The following EVC2 variants were observed in gnomAD, a reference collection of about 807,000 sequenced individuals.
EVC2 encodes EvC ciliary complex subunit 2.
A neutral mutation model predicts 149.3 loss-of-function variants in EVC2; 148 were observed. That is an observed-to-expected ratio of 0.99 (90% CI 0.87 to 1.14). The LOEUF (loss-of-function observed/expected upper bound fraction) is 1.14. Among genes scored for constraint, EVC2 ranks in the 50% most tolerant of loss-of-function variants. EVC2 has a pLI of 0.00. For synonymous variants in EVC2, 776 were observed against 649.9 expected, an observed-to-expected ratio of 1.19 and a Z score of -2.95; for missense variants, 1,854 against 1,627.3, an observed-to-expected ratio of 1.14 and a Z score of -2.40.
At chr4:5,571,444 A>G (rs1317515932) in intron 19 of EVC2, among the ~76,000 whole-genome samples, 1 of 151,782 alleles carries the variant, frequency 6.6e-6, no homozygotes, top group Admixed American at 6.6e-5. Context: ...CCTGTCCCCA[A>G]TTAAAATATA....
rs1259333380 is a variant in EVC2, at chr4:5,567,100, T to C, written c.3557+1344A>G. ...CCTCCTTCTGGCTCCCTCTTGTTCCTCTGACCAGCCCACACCCAGCCCTCT... is the reference window on the plus strand; with the variant it reads ...CCTCCTTCTGGCTCCCTCTTGTTCCCCTGACCAGCCCACACCCAGCCCTCT... On this transcript the variant is annotated intron_variant, in intron 20 of 21. Transcript: ENST00000344408. The surrounding 1 kb of genome is among the most constrained non-coding windows in gnomAD (Gnocchi z 4.4). Among the ~76,000 whole-genome samples, 2 of 151,852 alleles carry C rather than the reference T, an allele frequency of 1.3e-5. No homozygotes were observed. The highest frequency in any genetic ancestry group is 2.4e-5 in the African/African-American group (1 of 41,168).
chr4:5,644,362 T>A (rs1170682070), intron 9 of EVC2, among the ~76,000 whole-genome samples: 4 of 152,176 alleles, frequency 2.6e-5, no homozygotes, highest in African/African-American at 9.7e-5. Context: ...TAGAGTGCAG[T>A]GGTGTGATCT....
intron 16 of EVC2, among the ~76,000 whole-genome samples, chr4:5,586,329 T>C (rs1271438580): frequency 6.6e-6 from 1 of 152,172 alleles, no homozygotes; most frequent in East Asian, 1.9e-4. Context: ...GTACACATCT[T>C]TGACTTATCC....
chr4:5,624,836 A>G (rs1313642783), intron 13 of EVC2, among the ~76,000 whole-genome samples: 1 of 152,110 alleles, frequency 6.6e-6, no homozygotes, highest in African/African-American at 2.4e-5. Context: ...CAGAGTTTCT[A>G]TTGATCAAAT....
chr4:5,598,132 G>T (rs983461592), intron 16 of EVC2, among the ~76,000 whole-genome samples: 3 of 151,098 alleles, frequency 2.0e-5, no homozygotes, highest in African/African-American at 7.3e-5. Context: ...TCATGAAAAT[G>T]GCCATACTGC....
rs1417314407 is a variant in EVC2 at position 5,544,765 on chromosome 4, G to A, written c.3420-1553C>T. ...ATACTGTGGGGAAAACATGGAGTGA[G>A]TGACCACCGTTGGATGCTCAGGATT... On this transcript the variant is annotated intron_variant and NMD_transcript_variant, in intron 21 of 22. Transcript: ENST00000475313. 5.9e-5 allele frequency among the ~76,000 whole-genome samples: 9 copies of A among 152,194 alleles called. No individual in the cohort carries two copies. In the East Asian group the frequency reaches 1.7e-3, roughly 29 times the overall value.
At chr4:5,709,389 C>A (rs1241616423), upstream of EVC2, 4 of 152,280 alleles carry the variant, frequency 2.6e-5, no homozygotes, top group Non-Finnish European at 4.4e-5. Context: ...CTCCCGCCAG[C>A]CTTCCTGCGG....
chr4:5,607,618 G>C (rs958013225), intron 16 of EVC2, among the ~76,000 whole-genome samples: 2 of 152,112 alleles, frequency 1.3e-5, no homozygotes, highest in African/African-American at 4.8e-5. Flanking sequence ...GGCAGCCAGA[G>C]GCTCATATTT....
chr4:5,642,039 G>A (rs1717367017), intron 9 of EVC2, among the ~76,000 whole-genome samples: 1 of 144,618 alleles, frequency 6.9e-6, no homozygotes, highest in African/African-American at 2.6e-5. Context: ...AACATGCAGT[G>A]TTTGGTTTTC....
In EVC2 at chr4:5,640,502, G is replaced by A; in HGVS notation, c.1470+12C>T. ...AAGGGAAGTGAACGCCTTCCTTTCA[G>A]ACCTGTCTTACCCTCTCACCAGCAC... On this transcript the variant is annotated intron_variant, in intron 10 of 21. Transcript: ENST00000344408. This position sits in a 1 kb window ranked among gnomAD's most constrained non-coding sequence, Gnocchi z 4.6. 1.2e-6 allele frequency: 2 copies of A among 1,614,014 alleles called. No homozygotes were observed. Among genetic ancestry groups the A allele is most frequent in the Non-Finnish European group, 1.7e-6 (2 of 1,179,976 alleles).
chr4:5,602,430 T>C (rs959086927), intron 16 of EVC2, among the ~76,000 whole-genome samples: 3 of 151,732 alleles, frequency 2.0e-5, no homozygotes, highest in South Asian at 2.1e-4. Flanking sequence ...AGAAAAAGGA[T>C]TCCAGTTTTC....
chr4:5,671,667 A>G (rs1006911112), intron 7 of EVC2, among the ~76,000 whole-genome samples: 13 of 152,080 alleles, frequency 8.5e-5, no homozygotes, highest in Admixed American at 2.6e-4. Context: ...GCCTGCCACC[A>G]TGCCCAGCTA....
At chr4:5,697,471 G>T in intron 2 of EVC2, 122 bp downstream of exon 2, 2 of 978,430 alleles carry the variant, frequency 2.0e-6, no homozygotes, top group Non-Finnish European at 1.6e-6. Flanking sequence ...TGATCTACTT[G>T]CCCAAAGTAG....
At chr4:5,597,712 G>T (rs1713572518) in intron 16 of EVC2, among the ~76,000 whole-genome samples, 2 of 144,818 alleles carry the variant, frequency 1.4e-5, no homozygotes, top group African/African-American at 5.0e-5. Flanking sequence ...TGGAAGTTCT[G>T]GCCAGGGCAA....
intron 20 of EVC2, among the ~76,000 whole-genome samples, chr4:5,566,637 G>T (rs1195802528): frequency 1.3e-5 from 2 of 152,164 alleles, no homozygotes; most frequent in Admixed American, 6.5e-5. Context: ...TAGTGGCCTG[G>T]GACTCCAGAG....
chr4:5,628,129 T>C (rs186336127), intron 12 of EVC2, among the ~76,000 whole-genome samples: 3 of 152,322 alleles, frequency 2.0e-5, no homozygotes, highest in Admixed American at 6.5e-5. Context: ...ATACGCTGAA[T>C]AAACAGTAGT....
chr4:5,540,071 C>T (rs1337910956), downstream of EVC2, among the ~76,000 whole-genome samples: 1 of 152,160 alleles, frequency 6.6e-6, no homozygotes, highest in East Asian at 1.9e-4. Flanking sequence ...CCAGACACTC[C>T]ACCAAAGAAG....
At chr4:5,597,719 G>A (rs1387661491) in intron 16 of EVC2, among the ~76,000 whole-genome samples, 55 of 143,656 alleles carry the variant, frequency 3.8e-4, no homozygotes, top group Admixed American at 1.2e-3. Context: ...TCTGGCCAGG[G>A]CAATTAGGCA....
chr4:5,562,793 C>A lies in EVC2; in HGVS notation c.*55G>T. The A allele has an allele frequency of 6.2e-7, 1 of 1,609,854 alleles. No homozygotes were observed. Among genetic ancestry groups the A allele is most frequent in the South Asian group, 1.1e-5 (1 of 90,836 alleles). On this transcript the variant is annotated 3_prime_UTR_variant, in exon 22 of 22. Coordinates refer to ENST00000344408, the MANE Select transcript of EVC2 (RefSeq NM_147127.5). The surrounding 1 kb of genome is among the most constrained non-coding windows in gnomAD (Gnocchi z 4.3). ...TTATAAACACACAAACACCGGCGGG[C>A]AGGAGAAAATCATCCCTTCTCTCTT...
Sources: gnomAD v4.1 joint callset for allele counts (sites outside exome capture counted in the v4.1 genomes callset) on GRCh38, gnomAD v4.1.1 for gene constraint, Gnocchi (gnomAD v3.1) non-coding constraint, MANE v1.5 for transcripts, NCBI Gene and HGNC (gene_info 2026-07-23, HGNC 2026-07-21) for gene names.